Variants in DNAH3 observed in about 807,000 individuals in gnomAD.
DNAH3 encodes the protein dynein axonemal heavy chain 3, also known as axonemal beta dynein heavy chain 3.
Under a neutral mutation model 432.5 loss-of-function variants are expected in DNAH3, and 332 were observed. The observed-to-expected ratio is 0.77, with a 90% CI of 0.70 to 0.84. The LOEUF (loss-of-function observed/expected upper bound fraction) is 0.84, where lower values mean the gene tolerates loss of function less well. Among genes scored for constraint, DNAH3 ranks in the 40% least tolerant of loss-of-function variants. The probability of loss-of-function intolerance (pLI) is 0.00; values close to 1 mark genes in which losing one functional copy is unlikely to be tolerated. For synonymous variants in DNAH3, 1,956 were observed against 1,900.2 expected (o/e 1.03, Z -0.76); for missense variants, 4,861 against 5,114.0 (o/e 0.95, Z 1.51).
chr16:21,070,997 G>A (rs1476537305), intron 21 of DNAH3, among the ~76,000 whole-genome samples, 171 bp from the exon 22 acceptor site: 1 of 151,950 alleles, frequency 6.6e-6, no homozygotes, highest in East Asian at 1.9e-4. Flanking sequence ...GGATCCTCCT[G>A]CCTCAGCCTC....
chr16:20,959,121 C>T, intron 54 of DNAH3, 58 bp downstream of exon 54: 1 of 1,553,406 alleles, frequency 6.4e-7, no homozygotes, highest in Non-Finnish European at 8.9e-7. Flanking sequence ...TTCCCAGCCA[C>T]CATCCTGATG....
chr16:20,986,486 GAC>G (rs1241946948), intron 47 of DNAH3, among the ~76,000 whole-genome samples: 1 of 152,100 alleles, frequency 6.6e-6, no homozygotes, highest in Non-Finnish European at 1.5e-5. Context: ...CAGCCTGGGT[GAC>G]AGAGTGAGGT....
At chr16:21,136,635 A>AT in intron 5 of DNAH3, 122 bp from the exon 7 acceptor site, 1 of 877,180 alleles carries the variant, frequency 1.1e-6, no homozygotes, top group Non-Finnish European at 1.9e-6. Context: ...TTCACTTGCC[A>AT]TAACCATGCA....
chr16:21,075,930 A>AG (rs2090959495), intron 20 of DNAH3, among the ~76,000 whole-genome samples: 1 of 150,876 alleles, frequency 6.6e-6, no homozygotes, highest in Non-Finnish European at 1.5e-5. Flanking sequence ...AAAAAAAAAA[A>AG]AAAAAAAAAA....
intron 18 of DNAH3, among the ~76,000 whole-genome samples, chr16:21,094,118 A>C (rs1003366900): frequency 1.3e-5 from 2 of 152,196 alleles, no homozygotes; most frequent in Non-Finnish European, 2.9e-5. Context: ...GAGAATAAAA[A>C]AACAAGCCAT....
Position 20,947,793 on chromosome 16 carries a change from T to G in DNAH3, c.11343+690A>C, listed in dbSNP as rs2084117874. 3.3e-5 allele frequency among the ~76,000 whole-genome samples: 5 copies of G among 152,168 alleles called. 1 individual carries two copies. The South Asian group carries it at 1.0e-3, about 32-fold the overall frequency. On this transcript the variant is annotated intron_variant, in intron 57 of 61. Transcript: ENST00000261383. ...TGGTTTTTTTTGTTTGTTTGTTTGT[T>G]TTTTTGAGACAGTTTCACTGTCACT... is the stretch of plus-strand genomic sequence containing the variant.
chr16:20,988,819 G>T (rs775632665), intron 44 of DNAH3, among the ~76,000 whole-genome samples: 1 of 152,122 alleles, frequency 6.6e-6, no homozygotes, highest in Non-Finnish European at 1.5e-5. Flanking sequence ...TCTGATGTTC[G>T]AATGTGTTCG....
At chr16:20,984,241 AATG>A (rs1187863807) in intron 48 of DNAH3, among the ~76,000 whole-genome samples, 2 of 151,978 alleles carry the variant, frequency 1.3e-5, no homozygotes, top group Admixed American at 6.6e-5. Flanking sequence ...GCATGAACAC[AATG>A]ATAATATTTG....
At chr16:21,139,902 C>A (rs565055806) in intron 5 of DNAH3, among the ~76,000 whole-genome samples, 2 of 151,836 alleles carry the variant, frequency 1.3e-5, no homozygotes, top group East Asian at 3.9e-4. Flanking sequence ...GCCTCAGCCT[C>A]CCGAGTAGCT....
intron 44 of DNAH3, 45 bp from the exon 45 acceptor site, chr16:20,988,110 T>G (rs1485611078): frequency 1.9e-6 from 3 of 1,609,454 alleles, no homozygotes; most frequent in Middle Eastern, 1.7e-4. Context: ...AAAACACATA[T>G]TCTCACACTG....
At chr16:21,070,577 CATTT>C (rs1236036690) in intron 22 of DNAH3, 129 bp downstream of exon 22, 25 of 645,160 alleles carry the variant, frequency 3.9e-5, no homozygotes, top group East Asian at 8.3e-5. Flanking sequence ...GCCACTGTAT[CATTT>C]ATTTATTTAT....
chr16:20,952,406 C>T, intron 56 of DNAH3, 27 bp downstream of exon 56: 8 of 1,397,170 alleles, frequency 5.7e-6, no homozygotes, highest in Non-Finnish European at 8.1e-6. Context: ...TGGAGGTTTA[C>T]AGTGGAAAAA....
chr16:20,986,691 G>A (rs994138728), intron 47 of DNAH3, among the ~76,000 whole-genome samples: 5 of 152,020 alleles, frequency 3.3e-5, no homozygotes, highest in African/African-American at 9.7e-5. Context: ...CACTATCCTG[G>A]TCCCCACTCT....
At chr16:21,156,901 C>T (rs1221115848) in intron 1 of DNAH3, among the ~76,000 whole-genome samples, 1 of 147,406 alleles carries the variant, frequency 6.8e-6, no homozygotes, top group Admixed American at 6.9e-5. Flanking sequence ...CCCTAGATGG[C>T]ACTCTTAAAC....
intron 53 of DNAH3, among the ~76,000 whole-genome samples, chr16:20,961,908 C>T (rs1433984969): frequency 9.3e-5 from 14 of 151,038 alleles, no homozygotes; most frequent in Non-Finnish European, 2.1e-4. Context: ...CACCAGTAAT[C>T]CCAGCACTTT....
At chr16:21,109,119 T>C (rs778819364) in intron 14 of DNAH3, among the ~76,000 whole-genome samples, 17 of 130,368 alleles carry the variant, frequency 1.3e-4, no homozygotes, top group Non-Finnish European at 2.4e-4. Flanking sequence ...CGAGACTCTG[T>C]CTCAAAAAAA....
chr16:21,025,835 G>C (rs1383057359), intron 38 of DNAH3, among the ~76,000 whole-genome samples: 1 of 151,944 alleles, frequency 6.6e-6, no homozygotes, highest in African/African-American at 2.4e-5. Context: ...CTGGGTTCAA[G>C]CAATTCTCCT....
chr16:21,057,456 T>G (rs2090175358), intron 27 of DNAH3, among the ~76,000 whole-genome samples: 2 of 152,256 alleles, frequency 1.3e-5, no homozygotes, highest in South Asian at 4.1e-4. Flanking sequence ...TATTATGATG[T>G]GTTGTGACAA....
intron 32 of DNAH3, 116 bp from the exon 33 acceptor site, chr16:21,040,059 T>TA: frequency 2.4e-6 from 2 of 846,678 alleles, no homozygotes. Context: ...CCAGTGACAA[T>TA]AAAGGCAAGA....
Sources: gnomAD v4.1 joint callset for allele counts (sites outside exome capture counted in the v4.1 genomes callset) on GRCh38, gnomAD v4.1.1 for gene constraint, MANE v1.5 for transcripts, NCBI Gene and HGNC (gene_info 2026-07-23, HGNC 2026-07-21) for gene names.